ELP6: variants seen among roughly 807,000 people sequenced by gnomAD.
The protein encoded by ELP6 is elongator complex protein 6.
A neutral mutation model predicts 28.1 loss-of-function variants in ELP6; 23 were observed. The ratio of observed to expected loss-of-function variants is 0.82; its 90% confidence interval spans 0.59 to 1.16. The LOEUF is 1.16. ELP6 is among the 50% of genes most tolerant of loss of function. The pLI is 0.00. For missense variants in ELP6, 313 were observed against 334.6 expected, an observed-to-expected ratio of 0.94 and a Z score of 0.50; for synonymous variants, 132 against 135.8, an observed-to-expected ratio of 0.97 and a Z score of 0.19.
intron 4 of ELP6, chr3:47,502,489 C>A: frequency 2.0e-6 from 2 of 983,180 alleles, no homozygotes; most frequent in Non-Finnish European, 2.4e-6. Context: ...TCTGGAAGAT[C>A]AGCTTGGATT....
chr3:47,512,267 G>T (rs982011604), intron 1 of ELP6: 12 of 170,506 alleles, frequency 7.0e-5, no homozygotes, highest in Non-Finnish European at 1.2e-4. Flanking sequence ...GGGCGTGGTG[G>T]CTCACGCCTG....
At chr3:47,498,476 ACACC>A (rs1188034660) in intron 5 of ELP6, 44 bp from the exon 6 acceptor site, 1 of 1,600,544 alleles carries the variant, frequency 6.2e-7, no homozygotes, top group Non-Finnish European at 8.5e-7. Context: ...ACTGGAAAGG[ACACC>A]CAGAGTCAGG....
At chr3:47,511,095 T>C in intron 2 of ELP6, 53 bp downstream of exon 2, 1 of 1,511,748 alleles carries the variant, frequency 6.6e-7, no homozygotes, top group Non-Finnish European at 9.1e-7. Flanking sequence ...TGGTTTTTAT[T>C]ATTTCTGCAC....
At chr3:47,513,184 G>A in intron 1 of ELP6, 1 of 1,006,114 alleles carries the variant, frequency 9.9e-7, no homozygotes, top group Non-Finnish European at 1.2e-6. Flanking sequence ...AGAGACGGGG[G>A]TTTCACCATC....
At chr3:47,499,628 G>A (rs1708582183) in intron 5 of ELP6, 2 of 476,322 alleles carry the variant, frequency 4.2e-6, no homozygotes, top group South Asian at 1.8e-4. Flanking sequence ...AGGTTGCAGT[G>A]AGCCAAGGTC....
At chr3:47,500,940 T>C (rs753527935) in intron 5 of ELP6, among the ~76,000 whole-genome samples, 1 of 152,230 alleles carries the variant, frequency 6.6e-6, no homozygotes, top group Non-Finnish European at 1.5e-5. Flanking sequence ...CACTGACAAG[T>C]GGCTACTGTG....
chr3:47,496,262 A>G, intron 6 of ELP6, 65 bp from the exon 7 acceptor site: 1 of 1,575,550 alleles, frequency 6.3e-7, no homozygotes, highest in Non-Finnish European at 8.6e-7. Context: ...TGGGAACCCC[A>G]CCCTACCTTC....
rs917532348 is a variant in ELP6 at position 47,495,845 on chromosome 3, C to G, written c.*224G>C. On this transcript the variant is annotated 3_prime_UTR_variant, in exon 7 of 7. Coordinates refer to ENST00000296149, the MANE Select transcript of ELP6 (RefSeq NM_001031703.3). Reference sequence around the variant, plus strand: ...CTTTCACTTGGGTCTAGCATCCAGCCTCTCTCTCAGCAAAGGCAGGATTGT... The same window carrying G: ...CTTTCACTTGGGTCTAGCATCCAGCGTCTCTCTCAGCAAAGGCAGGATTGT... 4 of 617,216 alleles carry G rather than the reference C, an allele frequency of 6.5e-6. No individual in the cohort carries two copies. The highest frequency in any genetic ancestry group is 1.0e-5 in the Non-Finnish European group (4 of 391,208). 38.2% of individuals were successfully genotyped at this position (617,216 alleles called of 1,614,324 possible). A position where few individuals can be genotyped will look rare whatever the true frequency, so the allele number is the denominator to read the frequency against.
chr3:47,508,480 A>C lies in ELP6; in HGVS notation c.204+1704T>G, dbSNP rs189068549. On this transcript the variant is annotated intron_variant, in intron 3 of 6. Transcript: ENST00000296149. ...ATCCCAAAGTGTTAGGATTAAAGGT[A>C]TAAGCCACCACCCCTGGCAGCCAAG... 7.8e-4 allele frequency among the ~76,000 whole-genome samples: 119 copies of C among 152,342 alleles called. 1 individual carries two copies. Among genetic ancestry groups the C allele is most frequent in the Non-Finnish European group, 4.7e-4 (32 of 68,026 alleles).
intron 3 of ELP6, among the ~76,000 whole-genome samples, chr3:47,509,321 C>T (rs1484814714): frequency 6.6e-6 from 1 of 152,202 alleles, no homozygotes; most frequent in African/African-American, 2.4e-5. Flanking sequence ...CCTCTCTAAG[C>T]CTGGCCTGTC....
chr3:47,501,526 G>A lies in ELP6; in HGVS notation c.525+124C>T, dbSNP rs969438658. The A allele has an allele frequency of 4.2e-6, 4 of 956,236 alleles. No homozygotes were observed. In the African/African-American group the frequency reaches 4.9e-5, roughly 12 times the overall value. 59.2% of individuals were successfully genotyped at this position (956,236 alleles called of 1,614,324 possible). ...ACAGGGTGGCTGCAAAAGCTTTCTG[G>A]GCCTGCCAGAGTAAAGCCAAAACCC... is the stretch of plus-strand genomic sequence containing the variant. On this transcript the variant is annotated intron_variant, in intron 5 of 6. Coordinates refer to ENST00000296149, the MANE Select transcript of ELP6 (RefSeq NM_001031703.3).
chr3:47,502,993 G>C, intron 4 of ELP6: 2 of 977,046 alleles, frequency 2.0e-6, no homozygotes, highest in Non-Finnish European at 2.4e-6. Flanking sequence ...ACTACCCCTG[G>C]CCATCATTTC....
At position 47,495,808 on chromosome 3, in the gene ELP6, T is replaced by C. The variant is rs984104867; in HGVS notation, c.*261A>G. On this transcript the variant is annotated 3_prime_UTR_variant, in exon 7 of 7. Coordinates refer to ENST00000296149, the MANE Select transcript of ELP6 (RefSeq NM_001031703.3). ...GGCTAAGGCATATTTAAACAAAGGC[T>C]CCAAAGGACCCCTTTCACTTGGGTC... 2.2e-6 allele frequency: 1 copy of C among 447,626 alleles called. No homozygotes were observed. Among genetic ancestry groups the C allele is most frequent in the South Asian group, 2.6e-5 (1 of 39,048 alleles). The allele number at this position is 447,626 out of a possible 1,614,324, so 27.7% of individuals were successfully genotyped here.
chr3:47,513,470 C>A lies in ELP6; in HGVS notation c.54+67G>T. On this transcript the variant is annotated intron_variant, in intron 1 of 6. Transcript: ENST00000296149. The stretch of plus-strand genomic sequence containing the variant: ...CCATTCCCCGGGGTCGTGCGCACCG[C>A]CTCCCGGATGCAGTATTCCGCTGCC... The A allele has an allele frequency of 2.5e-6, 4 of 1,580,874 alleles. No individual in the cohort carries two copies. In the South Asian group the frequency reaches 4.5e-5, roughly 18 times the overall value.
chr3:47,502,536 C>A, intron 4 of ELP6: 1 of 984,744 alleles, frequency 1.0e-6, no homozygotes, highest in Non-Finnish European at 1.2e-6. Flanking sequence ...TTATACACAG[C>A]TGGAAAAAGT....
At chr3:47,507,807 T>C (rs147383566) in intron 3 of ELP6, among the ~76,000 whole-genome samples, 220 of 152,306 alleles carry the variant, frequency 1.4e-3, no homozygotes, top group African/African-American at 5.2e-3. Flanking sequence ...TCATCACCCT[T>C]GCTCTTGCTC....
intron 1 of ELP6, 60 bp downstream of exon 1, chr3:47,513,477 G>C: frequency 6.3e-7 from 1 of 1,584,362 alleles, no homozygotes; most frequent in Non-Finnish European, 8.6e-7. Context: ...CCGCCTCCCG[G>C]ATGCAGTATT....
In ELP6 at chr3:47,495,860, G is replaced by T; in HGVS notation, c.*209C>A. On this transcript the variant is annotated 3_prime_UTR_variant, in exon 7 of 7. Coordinates refer to ENST00000296149, the MANE Select transcript of ELP6 (RefSeq NM_001031703.3). ...AGCATCCAGCCTCTCTCTCAGCAAAGGCAGGATTGTGGTCCCTTGTGTTTT... is the reference window on the plus strand; with the variant it reads ...AGCATCCAGCCTCTCTCTCAGCAAATGCAGGATTGTGGTCCCTTGTGTTTT... 1 of 704,724 alleles carries T rather than the reference G, an allele frequency of 1.4e-6. No homozygotes were observed. Among genetic ancestry groups the T allele is most frequent in the Non-Finnish European group, 2.2e-6 (1 of 461,582 alleles). The allele number at this position is 704,724 out of a possible 1,614,324, so 43.7% of individuals were successfully genotyped here. A position where few individuals can be genotyped will look rare whatever the true frequency, so the allele number is the denominator to read the frequency against.
At chr3:47,501,538 TA>T in intron 5 of ELP6, 111 bp downstream of exon 5, 1 of 1,146,868 alleles carries the variant, frequency 8.7e-7, no homozygotes, top group Non-Finnish European at 1.3e-6. Context: ...CCTGCCAGAG[TA>T]AAGCCAAAAC....
Sources: gnomAD v4.1 joint callset for allele counts (sites outside exome capture counted in the v4.1 genomes callset) on GRCh38, gnomAD v4.1.1 for gene constraint, MANE v1.5 for transcripts, NCBI Gene and HGNC (gene_info 2026-07-23, HGNC 2026-07-21) for gene names.